Variants in TGIF1 observed in about 807,000 individuals in gnomAD.
TGIF1 encodes the protein TGFB induced factor homeobox 1, also known as homeobox protein TGIF1.
TGIF1 carries 4 observed loss-of-function variants against 19.3 expected under a neutral mutation model. That is an observed-to-expected ratio of 0.21 (90% CI 0.10 to 0.47). The LOEUF (loss-of-function observed/expected upper bound fraction) is 0.47, where lower values mean the gene tolerates loss of function less well. Among genes scored for constraint, TGIF1 ranks in the 20% least tolerant of loss-of-function variants. The pLI is 0.98. For synonymous variants in TGIF1, 122 were observed against 129.3 expected, an observed-to-expected ratio of 0.94 and a Z score of 0.38; for missense variants, 275 against 341.4, an observed-to-expected ratio of 0.81 and a Z score of 1.53.
intron 2 of TGIF1, among the ~76,000 whole-genome samples, chr18:3,423,416 A>T (rs975736741): frequency 6.6e-6 from 1 of 152,116 alleles, no homozygotes; most frequent in African/African-American, 2.4e-5. Context: ...GCAGTGGCTC[A>T]CGCTTGTAAT....
At chr18:3,437,023 T>C (rs556514673) in intron 2 of TGIF1, among the ~76,000 whole-genome samples, 1 of 152,142 alleles carries the variant, frequency 6.6e-6, no homozygotes, top group South Asian at 2.1e-4. Context: ...GAGAATGGCC[T>C]GACCCCAGGA....
At chr18:3,449,541 C>T, upstream of TGIF1, 1 of 978,802 alleles carries the variant, frequency 1.0e-6, no homozygotes, top group Admixed American at 6.2e-5. Context: ...TCATCATTCC[C>T]CCCCGCCCCA....
intron 1 of TGIF1, chr18:3,452,197 C>T (rs2143341281): frequency 6.2e-7 from 1 of 1,608,460 alleles, no homozygotes; most frequent in Middle Eastern, 1.7e-4. Flanking sequence ...ACCCCCTCTG[C>T]GCTCCTGGGG....
chr18:3,430,363 T>A (rs2082531251), intron 2 of TGIF1, among the ~76,000 whole-genome samples: 1 of 152,236 alleles, frequency 6.6e-6, no homozygotes, highest in Admixed American at 6.5e-5. Flanking sequence ...TTTCTATATT[T>A]TTATTTGATA....
intron 2 of TGIF1, among the ~76,000 whole-genome samples, chr18:3,428,425 T>C (rs538675): frequency 6.6e-6 from 1 of 151,106 alleles, no homozygotes; most frequent in African/African-American, 2.4e-5. Context: ...TTAATTAAAA[T>C]TTTTTTTTTA....
At chr18:3,448,468 C>T (rs2082791358), upstream of TGIF1, 1 of 991,516 alleles carries the variant, frequency 1.0e-6, no homozygotes, top group Non-Finnish European at 1.2e-6. Context: ...GAACTGTGCT[C>T]CCGGCAGTTG....
chr18:3,429,822 G>GAT (rs2082523428), intron 2 of TGIF1, among the ~76,000 whole-genome samples: 2 of 152,212 alleles, frequency 1.3e-5, no homozygotes, highest in Admixed American at 6.5e-5. Context: ...AATCACTATT[G>GAT]TGTTTTAGTG....
At position 3,456,998 on chromosome 18, in the gene TGIF1, T is replaced by C. The variant is rs2049377056; in HGVS notation, c.244-367T>C. ...TTCATAAGGAGAGGTTTTCCTGTAG[T>C]TGATTAACTTAAATGTTGGGGCAGT... is the stretch of plus-strand genomic sequence containing the variant. On this transcript the variant is annotated intron_variant, in intron 2 of 2. Transcript: ENST00000343820. The surrounding 1 kb of genome is among the most constrained non-coding windows in gnomAD (Gnocchi z 4.2). The C allele has an allele frequency of 3.6e-6, 2 of 556,866 alleles. No individual in the cohort carries two copies. Among genetic ancestry groups the C allele is most frequent in the Non-Finnish European group, 6.3e-6 (2 of 316,552 alleles). The allele number at this position is 556,866 out of a possible 1,614,324, so 34.5% of individuals were successfully genotyped here. A position where few individuals can be genotyped will look rare whatever the true frequency, so the allele number is the denominator to read the frequency against.
intron 2 of TGIF1, among the ~76,000 whole-genome samples, chr18:3,423,375 G>A (rs1473083476): frequency 2.0e-5 from 3 of 151,908 alleles, no homozygotes; most frequent in East Asian, 1.9e-4. Flanking sequence ...GTGAGACCCC[G>A]TCTCTACAAA....
rs57777277 is a variant in TGIF1 at position 3,429,312 on chromosome 18, G to A, written c.-45+11097G>A. On this transcript the variant is annotated intron_variant, in intron 2 of 3. Coordinates refer to the TGIF1 transcript ENST00000401449. ...TTCTTGCTCAAACAATCCTCCCAAA[G>A]CATTGGAATTACAGGCATGAGCCAC... 9.7e-3 allele frequency among the ~76,000 whole-genome samples: 1,479 copies of A among 152,202 alleles called. 30 individuals are homozygous for A. Among genetic ancestry groups the A allele is most frequent in the African/African-American group, 0.034 (1,393 of 41,512 alleles).
At chr18:3,422,927 G>A (rs2082425144) in intron 2 of TGIF1, among the ~76,000 whole-genome samples, 1 of 152,010 alleles carries the variant, frequency 6.6e-6, no homozygotes, top group Admixed American at 6.6e-5. Context: ...CTGACCTCAT[G>A]ATCCACCTGC....
At chr18:3,414,781 C>CA (rs1229414777) in intron 1 of TGIF1, among the ~76,000 whole-genome samples, 12 of 152,042 alleles carry the variant, frequency 7.9e-5, no homozygotes, top group Non-Finnish European at 5.9e-5. Flanking sequence ...CATGGTGGTG[C>CA]ACAGCTGTAG....
In TGIF1 at chr18:3,457,223, A is replaced by G. The variant is rs934223082; in HGVS notation, c.244-142A>G. On this transcript the variant is annotated intron_variant, in intron 2 of 2. Transcript: ENST00000343820. This position sits in a 1 kb window ranked among gnomAD's most constrained non-coding sequence, Gnocchi z 4.9. ...CTTGGCGGAGCTCAGATACCTTGAAATAACATTGTAAATTCAGATAAGGCT... is the reference window on the plus strand; with the variant it reads ...CTTGGCGGAGCTCAGATACCTTGAAGTAACATTGTAAATTCAGATAAGGCT... 1 of 966,166 alleles carries G rather than the reference A, an allele frequency of 1.0e-6. No homozygotes were observed. Among genetic ancestry groups the G allele is most frequent in the African/African-American group, 1.6e-5 (1 of 61,560 alleles). 59.8% of individuals were successfully genotyped at this position (966,166 alleles called of 1,614,324 possible). A position where few individuals can be genotyped will look rare whatever the true frequency, so the allele number is the denominator to read the frequency against.
chr18:3,425,400 C>A (rs891759856), intron 2 of TGIF1, among the ~76,000 whole-genome samples: 1 of 152,154 alleles, frequency 6.6e-6, no homozygotes, highest in Non-Finnish European at 1.5e-5. Flanking sequence ...ATGAGAGGGG[C>A]CTGAATTCTA....
intron 2 of TGIF1, among the ~76,000 whole-genome samples, chr18:3,435,026 A>G (rs1002847370): frequency 6.6e-5 from 10 of 152,174 alleles, no homozygotes; most frequent in Non-Finnish European, 1.2e-4. Flanking sequence ...GCAATGGTAA[A>G]GTGTCTTTCA....
upstream of TGIF1, chr18:3,448,717 C>CTGTTTTTTTTTTTT (rs2082802985): frequency 4.1e-6 from 1 of 244,906 alleles, no homozygotes; most frequent in African/African-American, 4.2e-5. Flanking sequence ...GCGGGGGTGT[C>CTGTTTTTTTTTTTT]TTTTTTTTTT....
intron 2 of TGIF1, among the ~76,000 whole-genome samples, chr18:3,423,092 A>G (rs1327305908): frequency 6.6e-6 from 1 of 152,146 alleles, no homozygotes; most frequent in East Asian, 1.9e-4. Flanking sequence ...ATATGGTTAC[A>G]TCACTCCTAG....
In TGIF1 at chr18:3,457,032, G is replaced by A; in HGVS notation, c.244-333G>A. 1 of 553,750 alleles carries A rather than the reference G, an allele frequency of 1.8e-6. No individual in the cohort carries two copies. Among genetic ancestry groups the A allele is most frequent in the Non-Finnish European group, 3.2e-6 (1 of 313,642 alleles). 34.3% of individuals were successfully genotyped at this position (553,750 alleles called of 1,614,324 possible). ...TTAAATGTTGGGGCAGTAGGTGATA[G>A]GTTAAAATGGGGAGAGTTAAAAAGT... On this transcript the variant is annotated intron_variant, in intron 2 of 2. Transcript: ENST00000343820. This position sits in a 1 kb window ranked among gnomAD's most constrained non-coding sequence, Gnocchi z 4.9.
intron 2 of TGIF1, among the ~76,000 whole-genome samples, chr18:3,426,500 A>T (rs1387483839): frequency 6.6e-6 from 1 of 152,136 alleles, no homozygotes; most frequent in African/African-American, 2.4e-5. Flanking sequence ...GTCAACCCAT[A>T]GACTGATAAT....
Sources: allele counts gnomAD v4.1 joint callset (sites outside exome capture counted in the v4.1 genomes callset), GRCh38; gene constraint gnomAD v4.1.1; non-coding constraint Gnocchi (gnomAD v3.1); transcripts MANE v1.5; gene names NCBI Gene and HGNC (gene_info 2026-07-23, HGNC 2026-07-21).